Variants in NHSL1 observed in about 807,000 individuals in gnomAD.
The protein encoded by NHSL1 is NHS like 1.
Under a neutral mutation model 95.0 loss-of-function variants are expected in NHSL1, and 48 were observed. The ratio of observed to expected loss-of-function variants is 0.51; its 90% CI spans 0.40 to 0.64. The LOEUF (loss-of-function observed/expected upper bound fraction) is 0.64, where lower values mean the gene tolerates loss of function less well. Among genes scored for constraint, NHSL1 ranks in the 30% least tolerant of loss-of-function variants. NHSL1 has a pLI of 0.00. For missense variants in NHSL1, 1,971 were observed against 2,077.7 expected (o/e 0.95, Z 1.00); for synonymous variants, 783 against 833.9 (o/e 0.94, Z 1.05).
chr6:138,577,094 A>G (rs1783983290), upstream of NHSL1, among the ~76,000 whole-genome samples: 1 of 152,240 alleles, frequency 6.6e-6, no homozygotes, highest in Non-Finnish European at 1.5e-5. Flanking sequence ...TAGACTGAAT[A>G]TATTTGGAAG....
intron 1 of NHSL1, among the ~76,000 whole-genome samples, chr6:138,521,232 G>A (rs951180956): frequency 6.6e-6 from 1 of 152,122 alleles, no homozygotes; most frequent in Non-Finnish European, 1.5e-5. Context: ...AGGCGTGGTG[G>A]CTCACATCTG....
chr6:138,670,360 C>T (rs1184981474), intron 1 of NHSL1, among the ~76,000 whole-genome samples: 1 of 149,136 alleles, frequency 6.7e-6, no homozygotes, highest in Non-Finnish European at 1.5e-5. Context: ...GCAGCAAACA[C>T]CGTTGAAGGT....
intron 1 of NHSL1, among the ~76,000 whole-genome samples, chr6:138,526,321 A>G (rs555807470): frequency 2.0e-5 from 3 of 152,056 alleles, no homozygotes; most frequent in Admixed American, 1.3e-4. Flanking sequence ...TGTCTCTAAA[A>G]CATACAAAAA....
intron 1 of NHSL1, among the ~76,000 whole-genome samples, chr6:138,631,356 T>A (rs1427943417): frequency 1.3e-5 from 2 of 152,140 alleles, no homozygotes; most frequent in African/African-American, 4.8e-5. Flanking sequence ...AGACAGGGCA[T>A]GTGAACTACT....
intron 1 of NHSL1, among the ~76,000 whole-genome samples, chr6:138,540,622 G>A (rs1190088527): frequency 1.3e-5 from 2 of 152,210 alleles, no homozygotes; most frequent in South Asian, 2.1e-4. Flanking sequence ...CAGGGTGCAC[G>A]ATGACGAAGG....
At chr6:138,681,983 C>CTTT (rs5880393) in intron 1 of NHSL1, among the ~76,000 whole-genome samples, 7 of 145,302 alleles carry the variant, frequency 4.8e-5, no homozygotes, top group African/African-American at 7.6e-5. Context: ...TACCGCTTTT[C>CTTT]TTTTTTTTTT....
upstream of NHSL1, among the ~76,000 whole-genome samples, chr6:138,574,510 C>T (rs1195507503): frequency 1.3e-5 from 2 of 152,028 alleles, no homozygotes. Context: ...CTACTCTCTA[C>T]ATCCTGCAGC....
At chr6:138,557,751 A>G (rs1012594183) in intron 1 of NHSL1, among the ~76,000 whole-genome samples, 1 of 152,218 alleles carries the variant, frequency 6.6e-6, no homozygotes, top group African/African-American at 2.4e-5. Flanking sequence ...AATCCAGTCT[A>G]TACCAATTAT....
At chr6:138,629,124 G>A (rs935680230) in intron 1 of NHSL1, among the ~76,000 whole-genome samples, 4 of 152,130 alleles carry the variant, frequency 2.6e-5, no homozygotes, top group African/African-American at 9.7e-5. Context: ...ATAATCTTAA[G>A]TTCTGCCGCC....
At chr6:138,542,470 T>C (rs1271508732) in intron 1 of NHSL1, among the ~76,000 whole-genome samples, 5 of 152,230 alleles carry the variant, frequency 3.3e-5, no homozygotes, top group Non-Finnish European at 7.3e-5. Context: ...ATTAGATTAG[T>C]ACAGGAAATG....
chr6:138,457,891 C>T (rs1777721308), intron 3 of NHSL1, among the ~76,000 whole-genome samples: 1 of 151,830 alleles, frequency 6.6e-6, no homozygotes, highest in Non-Finnish European at 1.5e-5. Flanking sequence ...GCCTGTGGTC[C>T]CAGCTACTCG....
In NHSL1 at chr6:138,607,000, G is replaced by C. The variant is rs370964961; in HGVS notation, c.96+85476C>G. Reference sequence around the variant, plus strand: ...ATTACCAGTGTGAGCCTCCACGCCCGGCCCCCATGCTACTTCTTTAATCAG... The same window carrying C: ...ATTACCAGTGTGAGCCTCCACGCCCCGCCCCCATGCTACTTCTTTAATCAG... On this transcript the variant is annotated intron_variant, in intron 1 of 3. Transcript: ENST00000491526. Among the ~76,000 whole-genome samples, 4 of 152,050 alleles carry C rather than the reference G, an allele frequency of 2.6e-5. No individual in the cohort carries two copies. The East Asian group carries it at 5.8e-4, about 22-fold the overall frequency.
chr6:138,465,054 CAAAAAAAA>C (rs35195031), intron 3 of NHSL1, among the ~76,000 whole-genome samples: 1 of 100,988 alleles, frequency 9.9e-6, no homozygotes, highest in Non-Finnish European at 2.2e-5. Flanking sequence ...TGTATGCCTT[CAAAAAAAA>C]AAAAAAAAAG....
intron 1 of NHSL1, among the ~76,000 whole-genome samples, chr6:138,567,062 T>A (rs1008773440): frequency 1.7e-4 from 26 of 151,904 alleles, no homozygotes; most frequent in African/African-American, 6.1e-4. Context: ...TTCTTAGGTT[T>A]TCTTAATGCC....
In NHSL1 at chr6:138,478,012, C is replaced by CCT. The variant is rs1779182658; in HGVS notation, c.212-4580_212-4579insAG. Among the ~76,000 whole-genome samples the CCT allele has an allele frequency of 1.0e-4, 3 of 29,996 alleles. No individual in the cohort carries two copies. In the South Asian group the frequency reaches 3.7e-3, roughly 37 times the overall value. The allele number at this position is 29,996 out of a possible 152,430, so 19.7% of individuals were successfully genotyped here. ...TTTTTTCACCATGAAATTTATGTCA[C>CCT]TTTTTTTTTTTTTTTTTTTTTTTTT... On this transcript the variant is annotated intron_variant, in intron 2 of 7. Coordinates refer to ENST00000343505, the MANE Select transcript of NHSL1 (RefSeq NM_001144060.2).
At chr6:138,513,358 T>C (rs1308563523) in intron 1 of NHSL1, among the ~76,000 whole-genome samples, 1 of 152,202 alleles carries the variant, frequency 6.6e-6, no homozygotes, top group African/African-American at 2.4e-5. Context: ...CTAACATTTA[T>C]TCATGAATGT....
intron 1 of NHSL1, among the ~76,000 whole-genome samples, chr6:138,527,494 T>C (rs1781955667): frequency 6.6e-6 from 1 of 152,202 alleles, no homozygotes; most frequent in African/African-American, 2.4e-5. Context: ...TTTGCATCCA[T>C]GAATAGCGGC....
intron 1 of NHSL1, among the ~76,000 whole-genome samples, chr6:138,588,489 TAACGACACTGC>T (rs147494808): frequency 0.18 from 27,439 of 151,780 alleles, 3,149 homozygotes; most frequent in East Asian, 0.38. Flanking sequence ...AAAAATAAAA[TAACGACACTGC>T]AACTACACTG....
In NHSL1 at chr6:138,454,190, C is replaced by CGCGCGCGT. The variant is rs144366744; in HGVS notation, c.340-6998_340-6997insACGCGCGC. On this transcript the variant is annotated intron_variant, in intron 3 of 7. Transcript: ENST00000343505. ...CTAATTACTCCTTGTTATATGTGTGCGTGTGTGTGTGTGCGTGCGTGCATA... is the reference window on the plus strand; with the variant it reads ...CTAATTACTCCTTGTTATATGTGTGCGCGCGCGTGTGTGTGTGTGTGCGTGCGTGCATA... 1.9e-3 allele frequency among the ~76,000 whole-genome samples: 288 copies of CGCGCGCGT among 151,266 alleles called. 4 individuals are homozygous for CGCGCGCGT. Among genetic ancestry groups the CGCGCGCGT allele is most frequent in the African/African-American group, 6.9e-3 (284 of 41,190 alleles).
Sources: allele counts gnomAD v4.1 joint callset (sites outside exome capture counted in the v4.1 genomes callset), GRCh38; gene constraint gnomAD v4.1.1; transcripts MANE v1.5; gene names NCBI Gene and HGNC (gene_info 2026-07-23, HGNC 2026-07-21).